Variants in SRSF11 observed in about 807,000 individuals in gnomAD.
SRSF11 encodes the protein serine and arginine rich splicing factor 11.
Under a neutral mutation model 56.0 loss-of-function variants are expected in SRSF11, and 9 were observed. The observed-to-expected ratio is 0.16, with a 90% CI of 0.10 to 0.28. The LOEUF (loss-of-function observed/expected upper bound fraction) is 0.28. Among genes scored for constraint, SRSF11 ranks in the 10% least tolerant of loss-of-function variants. The pLI, the probability that SRSF11 is intolerant of heterozygous loss-of-function variation, is 1.00. For missense variants in SRSF11, 421 were observed against 600.7 expected, an observed-to-expected ratio of 0.70 and a Z score of 3.13; for synonymous variants, 222 against 215.3, an observed-to-expected ratio of 1.03 and a Z score of -0.27.
intron 2 of SRSF11, chr1:70,229,688 A>T (rs1021227903): frequency 1.0e-6 from 1 of 985,138 alleles, no homozygotes; most frequent in Non-Finnish European, 1.2e-6. Context: ...TTTAGATGCT[A>T]TCTGAAATCT....
rs1672683381 is a variant in SRSF11, at chr1:70,230,691, A to G, written c.338-1577A>G. ...AGTCTTTTTTTAATCAGAGGATCAGATGCATGACTTTTTTTTTTTTAATGG... is the reference window on the plus strand; with the variant it reads ...AGTCTTTTTTTAATCAGAGGATCAGGTGCATGACTTTTTTTTTTTTAATGG... On this transcript the variant is annotated intron_variant, in intron 2 of 11. Transcript: ENST00000370949. 1.3e-5 allele frequency: 16 copies of G among 1,229,618 alleles called. No homozygotes were observed. In the South Asian group the frequency reaches 1.4e-4, roughly 11 times the overall value. 76.2% of individuals were successfully genotyped at this position (1,229,618 alleles called of 1,614,324 possible). A position where few individuals can be genotyped will look rare whatever the true frequency, so the allele number is the denominator to read the frequency against.
chr1:70,220,329 G>C (rs1454511225), upstream of SRSF11, among the ~76,000 whole-genome samples: 2 of 152,156 alleles, frequency 1.3e-5, no homozygotes, highest in African/African-American at 4.8e-5. Flanking sequence ...TGTCATGTTT[G>C]GGGCACTACA....
chr1:70,250,337 G>A lies in SRSF11; in HGVS notation c.1119-28G>A, dbSNP rs77476853. On this transcript the variant is annotated intron_variant, in intron 10 of 11. Coordinates refer to ENST00000370949, the MANE Select transcript of SRSF11 (RefSeq NM_001350605.2). ...CTCATCATCTAAACAAGTTAAACCT[G>A]TTGCTGTACATTTTACTGTCATTCT... 1.0e-4 allele frequency: 163 copies of A among 1,608,284 alleles called. 1 individual carries two copies. In the African/African-American group the frequency reaches 1.9e-3, roughly 18 times the overall value.
In SRSF11 at chr1:70,221,540, C is replaced by T. The variant is rs956436903; in HGVS notation, c.-97C>T. 5.4e-6 allele frequency: 8 copies of T among 1,482,180 alleles called. No homozygotes were observed. In the African/African-American group the frequency reaches 7.1e-5, roughly 13 times the overall value. The allele number at this position is 1,482,180 out of a possible 1,614,324, so 91.8% of individuals were successfully genotyped here. A position where few individuals can be genotyped will look rare whatever the true frequency, so the allele number is the denominator to read the frequency against. On this transcript the variant is annotated 5_prime_UTR_variant, in exon 1 of 12. Coordinates refer to ENST00000370949, the MANE Select transcript of SRSF11 (RefSeq NM_001350605.2). ...AGCAGAGGCTGTAGCATCGGACACC[C>T]TCCTCTCTCCCGCAATCCGGTTCCT...
chr1:70,242,856 AGGCAGTGTAGTAATT>A lies in SRSF11; in HGVS notation c.801-1826_801-1812del, dbSNP rs374033409. Among the ~76,000 whole-genome samples, 566 of 152,280 alleles carry A rather than the reference AGGCAGTGTAGTAATT, an allele frequency of 3.7e-3. 4 individuals are homozygous for A. Among genetic ancestry groups the A allele is most frequent in the African/African-American group, 0.013 (535 of 41,536 alleles). ...ATTATTGGTGCCTTTTATTTAAATCAGGCAGTGTAGTAATTGCTCAAGAATACAGTCATGAAAAGA... is the reference window on the plus strand; with the variant it reads ...ATTATTGGTGCCTTTTATTTAAATCAGCTCAAGAATACAGTCATGAAAAGA... On this transcript the variant is annotated intron_variant, in intron 7 of 11. Transcript: ENST00000370949.
intron 3 of SRSF11, 59 bp downstream of exon 3, chr1:70,232,436 T>C: frequency 7.4e-7 from 1 of 1,345,652 alleles, no homozygotes. Flanking sequence ...TGCATAAAGC[T>C]AAACATATTT....
intron 6 of SRSF11, among the ~76,000 whole-genome samples, chr1:70,238,678 G>A (rs1203721422): frequency 6.6e-6 from 1 of 152,222 alleles, no homozygotes; most frequent in Non-Finnish European, 1.5e-5. Context: ...ACTAAAATCA[G>A]TGAGTGAATC....
chr1:70,250,835 A>G lies in SRSF11; in HGVS notation c.*30A>G. 6.4e-7 allele frequency: 1 copy of G among 1,574,620 alleles called. No individual in the cohort carries two copies. Among genetic ancestry groups the G allele is most frequent in the Non-Finnish European group, 8.7e-7 (1 of 1,145,142 alleles). On this transcript the variant is annotated 3_prime_UTR_variant, in exon 12 of 12. Transcript: ENST00000370949. ...TGCCTCTGAGGGAGTCCAACTGTAT[A>G]CCTGCATCAGTGTCATTCCTTTGTG... is the stretch of plus-strand genomic sequence containing the variant.
chr1:70,209,413 T>G (rs2100438542), intron 1 of SRSF11, among the ~76,000 whole-genome samples: 1 of 152,334 alleles, frequency 6.6e-6, no homozygotes, highest in East Asian at 1.9e-4. Context: ...TTAGCCTATT[T>G]TGAATTGTAT....
At chr1:70,212,181 A>T (rs1010089405) in intron 1 of SRSF11, among the ~76,000 whole-genome samples, 2 of 152,076 alleles carry the variant, frequency 1.3e-5, no homozygotes, top group African/African-American at 4.8e-5. Context: ...TACTTTTAAA[A>T]TTTATGCTTT....
intron 1 of SRSF11, among the ~76,000 whole-genome samples, chr1:70,208,410 G>C (rs1179811572): frequency 1.3e-5 from 2 of 152,070 alleles, no homozygotes; most frequent in African/African-American, 4.8e-5. Context: ...CTTGGTCACT[G>C]CAACCTCCAC....
chr1:70,223,563 T>G (rs1318522156), intron 1 of SRSF11, among the ~76,000 whole-genome samples: 4 of 152,172 alleles, frequency 2.6e-5, no homozygotes, highest in African/African-American at 9.6e-5. Context: ...TTCCCAGTAT[T>G]GGGAGAAAGA....
chr1:70,244,991 T>C (rs1334175484), intron 8 of SRSF11, among the ~76,000 whole-genome samples, 176 bp downstream of exon 8: 1 of 152,244 alleles, frequency 6.6e-6, no homozygotes, highest in African/African-American at 2.4e-5. Flanking sequence ...TGCTTCCTTG[T>C]AAACTGAAAC....
upstream of SRSF11, chr1:70,221,290 G>C (rs1185278224): frequency 1.0e-5 from 3 of 297,880 alleles, no homozygotes; most frequent in African/African-American, 6.5e-5. Context: ...CATTTCTCGG[G>C]CTGCAGGCGA....
chr1:70,249,864 C>G, intron 9 of SRSF11, 88 bp from the exon 10 acceptor site: 1 of 1,419,332 alleles, frequency 7.0e-7, no homozygotes, highest in Middle Eastern at 1.9e-4. Context: ...CTGGCCACAT[C>G]TTTCATTGTT....
chr1:70,228,687 C>T (rs553770242), intron 2 of SRSF11, 132 bp downstream of exon 2: 26 of 1,337,056 alleles, frequency 1.9e-5, no homozygotes, highest in East Asian at 1.4e-4. Flanking sequence ...TACTGCAGTC[C>T]GTAATTTTTG....
chr1:70,225,704 T>C (rs1249020395), intron 1 of SRSF11, among the ~76,000 whole-genome samples: 4 of 152,120 alleles, frequency 2.6e-5, no homozygotes, highest in African/African-American at 7.2e-5. Flanking sequence ...AGAGGACACG[T>C]AAGAACTGTT....
At chr1:70,231,008 A>G in intron 2 of SRSF11, 2 of 1,282,296 alleles carry the variant, frequency 1.6e-6, no homozygotes, top group South Asian at 1.3e-5. Context: ...ACATTTGTTT[A>G]TATTATCGGC....
At position 70,221,426 on chromosome 1, in the gene SRSF11, G is replaced by A. The variant is rs1328424089; in HGVS notation, c.-211G>A. The stretch of plus-strand genomic sequence containing the variant: ...GTGGGGCGGCCGTTTGTTTTCTCGT[G>A]GTCTCGAGCTCGCGCGCTCTCATCC... On this transcript the variant is annotated 5_prime_UTR_variant, in exon 1 of 12. Transcript: ENST00000370949. 1 of 590,796 alleles carries A rather than the reference G, an allele frequency of 1.7e-6. No individual in the cohort carries two copies. The highest frequency in any genetic ancestry group is 1.9e-5 in the African/African-American group (1 of 51,822). The allele number at this position is 590,796 out of a possible 1,614,324, so 36.6% of individuals were successfully genotyped here. A position where few individuals can be genotyped will look rare whatever the true frequency, so the allele number is the denominator to read the frequency against.
Sources: allele counts gnomAD v4.1 joint callset (sites outside exome capture counted in the v4.1 genomes callset), GRCh38; gene constraint gnomAD v4.1.1; transcripts MANE v1.5; gene names NCBI Gene and HGNC (gene_info 2026-07-23, HGNC 2026-07-21).